The following ANKS1B variants were observed in gnomAD, a reference collection of about 807,000 sequenced individuals.
ANKS1B encodes ankyrin repeat and sterile alpha motif domain-containing protein 1B.
ANKS1B carries 36 observed loss-of-function variants against 148.3 expected under a neutral mutation model. The ratio of observed to expected loss-of-function variants is 0.24; its 90% CI spans 0.19 to 0.32. ANKS1B has a LOEUF of 0.32. Ranked by LOEUF, ANKS1B falls within the 10% of genes least tolerant of loss-of-function variation. The probability of loss-of-function intolerance (pLI) is 1.00; values close to 1 mark genes in which losing one functional copy is unlikely to be tolerated. For missense variants in ANKS1B, 1,157 were observed against 1,542.6 expected (o/e 0.75, Z 4.19); for synonymous variants, 542 against 560.8 (o/e 0.97, Z 0.47).
At chr12:98,763,002 C>G (rs954969829) in intron 25 of ANKS1B, among the ~76,000 whole-genome samples, 1 of 152,230 alleles carries the variant, frequency 6.6e-6, no homozygotes, top group Non-Finnish European at 1.5e-5. Flanking sequence ...AGAGCCAATT[C>G]CTTCCTTCTG....
At chr12:99,154,445 G>A (rs755137088) in intron 14 of ANKS1B, 50 bp from the exon 15 acceptor site, 327 of 1,613,388 alleles carry the variant, frequency 2.0e-4, no homozygotes, top group Non-Finnish European at 2.7e-4. Flanking sequence ...AGCCGTCCAC[G>A]GGGTAATAGC....
chr12:99,461,037 GATATATACATGTATATATATAT>G (rs963890757), intron 10 of ANKS1B, among the ~76,000 whole-genome samples: 14 of 149,838 alleles, frequency 9.3e-5, no homozygotes, highest in African/African-American at 3.5e-4. Flanking sequence ...AAATGTGGTG[GATATATACATGTATATATATAT>G]ATATATACAC....
At chr12:98,917,881 T>C (rs957384089) in intron 17 of ANKS1B, among the ~76,000 whole-genome samples, 3 of 152,236 alleles carry the variant, frequency 2.0e-5, no homozygotes, top group Non-Finnish European at 4.4e-5. Context: ...TTAATTCTTT[T>C]GAGAACTCAG....
intron 1 of ANKS1B, among the ~76,000 whole-genome samples, chr12:99,901,995 T>C (rs1390006116): frequency 6.6e-6 from 1 of 152,146 alleles, no homozygotes; most frequent in Non-Finnish European, 1.5e-5. Flanking sequence ...GAGATAAGAA[T>C]AGTGAATAAG....
chr12:99,870,291 G>A (rs1466712971), intron 1 of ANKS1B, among the ~76,000 whole-genome samples: 1 of 152,132 alleles, frequency 6.6e-6, no homozygotes, highest in Non-Finnish European at 1.5e-5. Flanking sequence ...TTTTATGGCT[G>A]TATAGTATTC....
intron 8 of ANKS1B, among the ~76,000 whole-genome samples, chr12:99,740,566 T>C (rs1037703930): frequency 6.6e-6 from 1 of 152,170 alleles, no homozygotes. Context: ...TAGTATCCCA[T>C]AACATCAAGT....
At chr12:99,698,326 A>G (rs2054242373) in intron 8 of ANKS1B, among the ~76,000 whole-genome samples, 1 of 152,096 alleles carries the variant, frequency 6.6e-6, no homozygotes, top group Non-Finnish European at 1.5e-5. Context: ...CCGCAAATAA[A>G]CCTTGAATTT....
At chr12:99,113,729 A>C (rs2060757708) in intron 15 of ANKS1B, among the ~76,000 whole-genome samples, 2 of 152,204 alleles carry the variant, frequency 1.3e-5, no homozygotes, top group African/African-American at 4.8e-5. Context: ...AGACTCTCAG[A>C]GAAGGCCCTT....
At chr12:98,935,103 C>T (rs1023767537) in intron 17 of ANKS1B, among the ~76,000 whole-genome samples, 1 of 152,082 alleles carries the variant, frequency 6.6e-6, no homozygotes, top group Non-Finnish European at 1.5e-5. Context: ...ATGAGGTTGG[C>T]TGTGGGCTAA....
chr12:99,921,119 C>G (rs1220020898), intron 1 of ANKS1B, among the ~76,000 whole-genome samples: 1 of 152,068 alleles, frequency 6.6e-6, no homozygotes, highest in Non-Finnish European at 1.5e-5. Context: ...CTCTGCATCC[C>G]CACCCAAATC....
intron 12 of ANKS1B, among the ~76,000 whole-genome samples, chr12:99,305,204 TA>T (rs1227639476): frequency 6.6e-6 from 1 of 151,998 alleles, no homozygotes; most frequent in Non-Finnish European, 1.5e-5. Context: ...ATGAGGGATC[TA>T]CCCCCATGAA....
intron 11 of ANKS1B, among the ~76,000 whole-genome samples, chr12:99,442,533 A>G (rs904600105): frequency 3.9e-5 from 6 of 151,902 alleles, no homozygotes; most frequent in African/African-American, 1.5e-4. Flanking sequence ...GAAACTCCAA[A>G]TCAGTTGGAC....
chr12:99,375,493 T>C (rs1397818894), intron 12 of ANKS1B, among the ~76,000 whole-genome samples: 1 of 152,168 alleles, frequency 6.6e-6, no homozygotes, highest in African/African-American at 2.4e-5. Flanking sequence ...GATTAGAAAA[T>C]GTACTTAGCT....
chr12:99,075,295 C>T (rs1401461349), intron 16 of ANKS1B, among the ~76,000 whole-genome samples: 3 of 152,174 alleles, frequency 2.0e-5, no homozygotes, highest in Non-Finnish European at 4.4e-5. Flanking sequence ...ATGTTCCTCT[C>T]TACCCTGCTG....
At chr12:99,185,577 G>A (rs2079721981) in intron 14 of ANKS1B, among the ~76,000 whole-genome samples, 1 of 152,168 alleles carries the variant, frequency 6.6e-6, no homozygotes, top group Non-Finnish European at 1.5e-5. Context: ...TAGACAGTGG[G>A]TGCAGCCCAT....
intron 14 of ANKS1B, among the ~76,000 whole-genome samples, chr12:99,183,322 T>A (rs973563193): frequency 6.6e-6 from 1 of 152,142 alleles, no homozygotes; most frequent in African/African-American, 2.4e-5. Flanking sequence ...AGAAATTCCA[T>A]CAGATAACAA....
intron 12 of ANKS1B, among the ~76,000 whole-genome samples, chr12:99,337,975 C>T (rs1047001912): frequency 6.6e-6 from 1 of 152,228 alleles, no homozygotes; most frequent in Non-Finnish European, 1.5e-5. Flanking sequence ...TGGGTCAGAT[C>T]TGAAGCCAGC....
chr12:99,624,998 G>T lies in ANKS1B; in HGVS notation c.1272+30069C>A, dbSNP rs141683497. The stretch of plus-strand genomic sequence containing the variant: ...CACTGAAAACATGGAATCAACCCAG[G>T]TGCCTATCAATGGTAAATTTGATAA... On this transcript the variant is annotated intron_variant, in intron 9 of 26. Coordinates refer to ENST00000683438, the MANE Select transcript of ANKS1B (RefSeq NM_001352186.2). Among the ~76,000 whole-genome samples the T allele has an allele frequency of 3.6e-3, 550 of 152,048 alleles. 4 individuals carry two copies. Among genetic ancestry groups the T allele is most frequent in the African/African-American group, 0.013 (525 of 41,482 alleles).
At chr12:98,858,806 A>G (rs1052594075) in intron 17 of ANKS1B, among the ~76,000 whole-genome samples, 2 of 152,216 alleles carry the variant, frequency 1.3e-5, no homozygotes, top group East Asian at 1.9e-4. Flanking sequence ...GTGATGTCCA[A>G]TGTATGCTCT....
Sources: gnomAD v4.1 joint callset for allele counts (sites outside exome capture counted in the v4.1 genomes callset) on GRCh38, gnomAD v4.1.1 for gene constraint, MANE v1.5 for transcripts, NCBI Gene and HGNC (gene_info 2026-07-23, HGNC 2026-07-21) for gene names.